SAMSN1: variants seen among roughly 807,000 people sequenced by gnomAD.
SAMSN1 encodes the protein SAM domain-containing protein SAMSN-1.
SAMSN1 carries 31 observed loss-of-function variants against 42.0 expected under a neutral mutation model. The ratio of observed to expected loss-of-function variants is 0.74; its 90% CI spans 0.55 to 1.00. The LOEUF (loss-of-function observed/expected upper bound fraction) is 1.00, where lower values mean the gene tolerates loss of function less well. Among genes scored for constraint, SAMSN1 ranks in the 50% least tolerant of loss-of-function variants. The probability of loss-of-function intolerance (pLI) is 0.00; values close to 1 mark genes in which losing one functional copy is unlikely to be tolerated. For missense variants in SAMSN1, 464 were observed against 439.4 expected (o/e 1.06, Z -0.50); for synonymous variants, 178 against 151.9 (o/e 1.17, Z -1.26).
At chr21:14,636,787 C>T (rs1983478690) in intron 2 of SAMSN1, among the ~76,000 whole-genome samples, 1 of 151,966 alleles carries the variant, frequency 6.6e-6, no homozygotes, top group Non-Finnish European at 1.5e-5. Context: ...TTGCTTGAAC[C>T]CTGGGGGTGG....
intron 2 of SAMSN1, among the ~76,000 whole-genome samples, chr21:14,578,254 G>A (rs1486263338): frequency 6.6e-6 from 1 of 152,108 alleles, no homozygotes; most frequent in African/African-American, 2.4e-5. Flanking sequence ...GAATTAGTGG[G>A]TGAAAGAGGG....
intron 1 of SAMSN1, among the ~76,000 whole-genome samples, chr21:14,534,161 T>G (rs1048843277): frequency 2.0e-5 from 3 of 152,206 alleles, no homozygotes; most frequent in Admixed American, 1.3e-4. Context: ...TCTTCTGGAG[T>G]AGACTACTTC....
chr21:14,557,875 T>C (rs1000752622), intron 2 of SAMSN1, among the ~76,000 whole-genome samples: 2 of 152,210 alleles, frequency 1.3e-5, no homozygotes, highest in African/African-American at 4.8e-5. Flanking sequence ...GAAGTGCTTT[T>C]CCCTTTACTT....
rs145384496 is a variant in SAMSN1 at position 14,571,115 on chromosome 21, T to A, written c.261+11021A>T. ...CCTATTATTGGCCTTCACAGAACCA[T>A]GTAACAATCATAGCTCTTATCAAAG... On this transcript the variant is annotated intron_variant, in intron 2 of 8. Coordinates refer to the SAMSN1 transcript ENST00000285670. Among the ~76,000 whole-genome samples, 387 of 152,322 alleles carry A rather than the reference T, an allele frequency of 2.5e-3. 1 individual carries two copies. Among genetic ancestry groups the A allele is most frequent in the African/African-American group, 8.8e-3 (366 of 41,586 alleles).
rs549691908 is a variant in SAMSN1 at position 14,490,513 on chromosome 21, G to A, written c.920-4399C>T. Among the ~76,000 whole-genome samples the A allele has an allele frequency of 5.3e-5, 8 of 152,242 alleles. No individual in the cohort carries two copies. In the East Asian group the frequency reaches 5.8e-4, roughly 11 times the overall value. The stretch of plus-strand genomic sequence containing the variant: ...CTATATTTATTTGTCCAGAGGCAGC[G>A]TTATCCAGGGAGGAAATTTTAGTGG... On this transcript the variant is annotated intron_variant, in intron 7 of 7. Coordinates refer to ENST00000400566, the MANE Select transcript of SAMSN1 (RefSeq NM_022136.5).
chr21:14,503,717 C>G (rs1987275114), intron 5 of SAMSN1, among the ~76,000 whole-genome samples: 1 of 152,064 alleles, frequency 6.6e-6, no homozygotes, highest in Non-Finnish European at 1.5e-5. Flanking sequence ...GCAGGCAGGA[C>G]CAGATTGCAG....
At chr21:14,563,606 G>A (rs1981015215) in intron 2 of SAMSN1, among the ~76,000 whole-genome samples, 1 of 152,166 alleles carries the variant, frequency 6.6e-6, no homozygotes, top group South Asian at 2.1e-4. Context: ...TCTACTTGTG[G>A]TACAAATGTA....
At chr21:14,636,723 CCT>C (rs1251987286) in intron 2 of SAMSN1, among the ~76,000 whole-genome samples, 1 of 152,008 alleles carries the variant, frequency 6.6e-6, no homozygotes. Context: ...GTGGCACGCA[CCT>C]GTAGTCCCAG....
chr21:14,577,976 G>A (rs1414085239), intron 2 of SAMSN1, among the ~76,000 whole-genome samples: 1 of 152,132 alleles, frequency 6.6e-6, no homozygotes, highest in African/African-American at 2.4e-5. Flanking sequence ...TGACTTCTGT[G>A]AAGAGCCCTT....
chr21:14,521,109 G>A (rs768032119), intron 2 of SAMSN1, 41 bp downstream of exon 2: 14 of 1,199,788 alleles, frequency 1.2e-5, no homozygotes, highest in Non-Finnish European at 1.7e-5. Flanking sequence ...ATTTCATAAT[G>A]TGTTTGCATA....
intron 3 of SAMSN1, among the ~76,000 whole-genome samples, chr21:14,514,820 A>T (rs1987831735): frequency 6.6e-6 from 1 of 152,244 alleles, no homozygotes; most frequent in Non-Finnish European, 1.5e-5. Context: ...TCTACTGGAC[A>T]TCTAAATGAA....
At chr21:14,489,302 T>A (rs1235312735) in intron 7 of SAMSN1, among the ~76,000 whole-genome samples, 1 of 152,190 alleles carries the variant, frequency 6.6e-6, no homozygotes, top group Non-Finnish European at 1.5e-5. Flanking sequence ...TTTCAGTGCA[T>A]CTTTTTATAC....
chr21:14,573,294 C>T (rs1329779466), intron 2 of SAMSN1, among the ~76,000 whole-genome samples: 1 of 152,194 alleles, frequency 6.6e-6, no homozygotes, highest in African/African-American at 2.4e-5. Context: ...GCAGACTTTA[C>T]TCCTCTGAAA....
chr21:14,617,046 G>A (rs1600966158), intron 2 of SAMSN1, among the ~76,000 whole-genome samples: 3 of 152,148 alleles, frequency 2.0e-5, no homozygotes, highest in Non-Finnish European at 2.9e-5. Context: ...TGAGCAGAAC[G>A]TTGCTAAAAC....
chr21:14,556,196 T>A (rs1460394517), intron 2 of SAMSN1, among the ~76,000 whole-genome samples: 2 of 152,182 alleles, frequency 1.3e-5, no homozygotes, highest in African/African-American at 4.8e-5. Flanking sequence ...CCAGATTATT[T>A]TTCAGGCCTG....
chr21:14,574,061 A>G (rs1981386868), intron 2 of SAMSN1, among the ~76,000 whole-genome samples: 1 of 152,192 alleles, frequency 6.6e-6, no homozygotes, highest in Admixed American at 6.6e-5. Flanking sequence ...ATGTTCTAAC[A>G]TTCAGGCTTC....
At chr21:14,633,724 A>C (rs1983389135) in intron 2 of SAMSN1, among the ~76,000 whole-genome samples, 1 of 152,174 alleles carries the variant, frequency 6.6e-6, no homozygotes, top group Non-Finnish European at 1.5e-5. Flanking sequence ...CCTTCAGCCG[A>C]GACTCCCTAA....
At chr21:14,498,269 A>G (rs1027687000) in intron 7 of SAMSN1, among the ~76,000 whole-genome samples, 173 bp downstream of exon 7, 5 of 152,234 alleles carry the variant, frequency 3.3e-5, no homozygotes, top group African/African-American at 9.6e-5. Context: ...CCTTTTCCTA[A>G]TTACATATTT....
chr21:14,506,250 C>G (rs1555829066), intron 5 of SAMSN1, among the ~76,000 whole-genome samples: 1 of 151,230 alleles, frequency 6.6e-6, no homozygotes, highest in South Asian at 2.1e-4. Context: ...AAAATTGAAA[C>G]AAAAAAATAT....
Sources: allele counts gnomAD v4.1 joint callset (sites outside exome capture counted in the v4.1 genomes callset), GRCh38; gene constraint gnomAD v4.1.1; transcripts MANE v1.5; gene names NCBI Gene and HGNC (gene_info 2026-07-23, HGNC 2026-07-21).